The following ADGRL3 variants were observed in gnomAD, a reference collection of about 807,000 sequenced individuals.
ADGRL3 encodes the protein adhesion G protein-coupled receptor L3.
In ADGRL3, 62 loss-of-function variants were observed where a neutral mutation model predicts 153.5. That is an observed-to-expected ratio of 0.40 (90% CI 0.33 to 0.50). The LOEUF is 0.50. Among genes scored for constraint, ADGRL3 ranks in the 20% least tolerant of loss-of-function variants. The pLI is 0.47. For missense variants in ADGRL3, 1,641 were observed against 1,859.4 expected (o/e 0.88, Z 2.16); for synonymous variants, 710 against 672.5 (o/e 1.06, Z -0.86).
chr4:61,970,269 C>T (rs891607601), intron 17 of ADGRL3, among the ~76,000 whole-genome samples: 1 of 151,858 alleles, frequency 6.6e-6, no homozygotes, highest in Admixed American at 6.7e-5. Context: ...TCATTAGTCA[C>T]TTTATTTAAC....
At chr4:61,580,240 T>G (rs532855488) in intron 4 of ADGRL3, among the ~76,000 whole-genome samples, 9 of 152,194 alleles carry the variant, frequency 5.9e-5, no homozygotes, top group Admixed American at 2.0e-4. Flanking sequence ...GAATCAAATC[T>G]GTTTCATTTT....
At chr4:61,532,930 AAGG>A (rs1405044170) in intron 4 of ADGRL3, among the ~76,000 whole-genome samples, 1 of 152,066 alleles carries the variant, frequency 6.6e-6, no homozygotes, top group East Asian at 1.9e-4. Flanking sequence ...TCAGTTGGAA[AAGG>A]AGGACTGGAT....
rs1018742520 is a variant in ADGRL3 at position 61,397,929 on chromosome 4, T to G, written c.-174+14740T>G. Among the ~76,000 whole-genome samples, 7 of 152,032 alleles carry G rather than the reference T, an allele frequency of 4.6e-5. No individual in the cohort carries two copies. The South Asian group carries it at 1.5e-3, about 32-fold the overall frequency. On this transcript the variant is annotated intron_variant, in intron 2 of 26. Transcript: ENST00000683033. The stretch of plus-strand genomic sequence containing the variant: ...AAAGTGGTCATTGGAGAGCTATCCA[T>G]GCTGTAATTTGAACAGGCAAGTAAA...
At position 62,074,675 on chromosome 4, in the gene ADGRL3, G is replaced by GT. The variant is rs1379573887; in HGVS notation, c.*3768dup. 6.6e-6 allele frequency: 1 copy of GT among 152,002 alleles called. No individual in the cohort carries two copies. Among genetic ancestry groups the GT allele is most frequent in the East Asian group, 1.9e-4 (1 of 5,176 alleles). 9.4% of individuals were successfully genotyped at this position (152,002 alleles called of 1,614,324 possible). A position where few individuals can be genotyped will look rare whatever the true frequency, so the allele number is the denominator to read the frequency against. On this transcript the variant is annotated 3_prime_UTR_variant, in exon 27 of 27. Coordinates refer to ENST00000683033, the MANE Select transcript of ADGRL3 (RefSeq NM_001387552.1). ...CAGGAAAATATCTAACAAAAAGCAC[G>GT]TAAGGGAAATATCCTTAACTTCCTG...
chr4:62,024,523 A>G (rs1484858801), intron 21 of ADGRL3, among the ~76,000 whole-genome samples: 2 of 152,158 alleles, frequency 1.3e-5, no homozygotes, highest in Non-Finnish European at 2.9e-5. Context: ...TAATGTTTAC[A>G]TGTATATTAT....
intron 9 of ADGRL3, among the ~76,000 whole-genome samples, chr4:61,884,225 G>A (rs1190836272): frequency 1.3e-5 from 2 of 151,914 alleles, no homozygotes; most frequent in Admixed American, 6.6e-5. Flanking sequence ...AACCTTTATC[G>A]GTTCATCAGA....
At chr4:61,909,813 G>C (rs1158737228) in intron 12 of ADGRL3, 68 bp downstream of exon 12, 1 of 1,183,032 alleles carries the variant, frequency 8.5e-7, no homozygotes. Context: ...CTTTAAAGTT[G>C]TAATAAAATC....
chr4:61,890,528 G>A (rs1322487460), intron 9 of ADGRL3, among the ~76,000 whole-genome samples: 1 of 152,138 alleles, frequency 6.6e-6, no homozygotes, highest in Non-Finnish European at 1.5e-5. Context: ...CAGTTGAGGG[G>A]GAGGGGCGGG....
intron 9 of ADGRL3, among the ~76,000 whole-genome samples, chr4:61,879,763 A>C (rs1471690937): frequency 6.6e-6 from 1 of 152,234 alleles, no homozygotes; most frequent in East Asian, 1.9e-4. Flanking sequence ...TCTGTCACCC[A>C]GGCTGGAGTG....
At chr4:61,620,634 CTTT>C (rs71664993) in intron 5 of ADGRL3, among the ~76,000 whole-genome samples, 3 of 69,732 alleles carry the variant, frequency 4.3e-5, no homozygotes, top group Admixed American at 2.2e-4. Context: ...TAAATTGTGA[CTTT>C]TTTTTTTTTT....
chr4:61,500,144 T>C (rs962157154), intron 3 of ADGRL3, among the ~76,000 whole-genome samples: 1 of 152,018 alleles, frequency 6.6e-6, no homozygotes, highest in Non-Finnish European at 1.5e-5. Context: ...ACCTGGTAGG[T>C]AAAATACTCT....
intron 1 of ADGRL3, among the ~76,000 whole-genome samples, chr4:61,219,255 A>C (rs1052602547): frequency 6.6e-6 from 1 of 152,190 alleles, no homozygotes; most frequent in African/African-American, 2.4e-5. Context: ...AAACTTTGTT[A>C]CTGTTTTTTA....
chr4:61,698,967 T>C (rs2095696296), intron 6 of ADGRL3, among the ~76,000 whole-genome samples: 1 of 152,222 alleles, frequency 6.6e-6, no homozygotes, highest in Non-Finnish European at 1.5e-5. Context: ...AGTGTGCTTC[T>C]TCCTCTAGGG....
intron 8 of ADGRL3, among the ~76,000 whole-genome samples, chr4:61,762,947 C>T (rs2096930129): frequency 6.6e-6 from 1 of 152,032 alleles, no homozygotes; most frequent in South Asian, 2.1e-4. Context: ...TGTTTTTTAA[C>T]ATCCATTCAG....
At chr4:61,432,593 T>TCTTC (rs2097373508) in intron 2 of ADGRL3, among the ~76,000 whole-genome samples, 1 of 9,806 alleles carries the variant, frequency 1.0e-4, no homozygotes, top group African/African-American at 2.3e-4. Context: ...TTTCTTTCTT[T>TCTTC]CTTTCTTTCT....
chr4:61,692,131 G>T (rs563631486), intron 6 of ADGRL3, among the ~76,000 whole-genome samples: 2 of 152,286 alleles, frequency 1.3e-5, no homozygotes, highest in African/African-American at 4.8e-5. Context: ...CCTAATAGTA[G>T]ATGCTGTTCA....
At chr4:61,238,677 C>T (rs977022601) in intron 1 of ADGRL3, among the ~76,000 whole-genome samples, 1 of 152,126 alleles carries the variant, frequency 6.6e-6, no homozygotes, top group South Asian at 2.1e-4. Flanking sequence ...GTTCCCACCT[C>T]CTAGAGCAAA....
chr4:61,852,849 G>A (rs1581152611), intron 9 of ADGRL3, among the ~76,000 whole-genome samples: 1 of 145,476 alleles, frequency 6.9e-6, no homozygotes, highest in Admixed American at 6.9e-5. Context: ...TTTATTTATT[G>A]TTTTTTACAT....
At chr4:61,494,125 T>C (rs1275256601) in intron 2 of ADGRL3, among the ~76,000 whole-genome samples, 2 of 151,832 alleles carry the variant, frequency 1.3e-5, no homozygotes, top group Non-Finnish European at 2.9e-5. Context: ...TGAGAAAAAC[T>C]GTTCTGCTAA....
Sources: allele counts gnomAD v4.1 joint callset (sites outside exome capture counted in the v4.1 genomes callset), GRCh38; gene constraint gnomAD v4.1.1; transcripts MANE v1.5; gene names NCBI Gene and HGNC (gene_info 2026-07-23, HGNC 2026-07-21).